KCNQ5: variants seen among roughly 807,000 people sequenced by gnomAD.
KCNQ5 encodes the protein potassium voltage-gated channel subfamily Q member 5.
Under a neutral mutation model 98.2 loss-of-function variants are expected in KCNQ5, and 30 were observed. The observed-to-expected ratio is 0.31, with a 90% CI of 0.23 to 0.41. KCNQ5 has a LOEUF of 0.41. KCNQ5 is among the 10% of genes least tolerant of loss of function. The pLI is 1.00. For synonymous variants in KCNQ5, 458 were observed against 449.4 expected (o/e 1.02, Z -0.24); for missense variants, 835 against 1,182.5 (o/e 0.71, Z 4.31).
At chr6:72,691,898 G>A (rs1042695712) in intron 1 of KCNQ5, among the ~76,000 whole-genome samples, 2 of 152,202 alleles carry the variant, frequency 1.3e-5, no homozygotes, top group Admixed American at 6.5e-5. Flanking sequence ...AATATTTTGT[G>A]TCAGTAGAAT....
intron 1 of KCNQ5, among the ~76,000 whole-genome samples, chr6:72,851,748 G>A (rs1777266883): frequency 6.6e-6 from 1 of 151,798 alleles, no homozygotes; most frequent in Non-Finnish European, 1.5e-5. Context: ...AATACTTTAA[G>A]AAATTACCTA....
intron 1 of KCNQ5, among the ~76,000 whole-genome samples, chr6:72,864,223 A>G (rs1268466696): frequency 6.6e-6 from 1 of 152,142 alleles, no homozygotes; most frequent in Admixed American, 6.6e-5. Flanking sequence ...CCATGCCTAT[A>G]TCCCATGAAC....
Position 72,907,965 on chromosome 6 carries a change from AG to A in KCNQ5, c.399-95942del, listed in dbSNP as rs1357269549. ...CTAACCACTATCATGCTGTGACATC[AG>A]TGGAGATACAGGCTTTTCTTTTCTT... On this transcript the variant is annotated intron_variant, in intron 1 of 13. Coordinates refer to ENST00000370398, the MANE Select transcript of KCNQ5 (RefSeq NM_019842.4). Among the ~76,000 whole-genome samples, 12 of 152,234 alleles carry A rather than the reference AG, an allele frequency of 7.9e-5. No homozygotes were observed. In the East Asian group the frequency reaches 2.1e-3, roughly 27 times the overall value.
chr6:72,963,737 A>C (rs1445495552), intron 1 of KCNQ5, among the ~76,000 whole-genome samples: 1 of 152,068 alleles, frequency 6.6e-6, no homozygotes, highest in African/African-American at 2.4e-5. Context: ...ATCTTGGCTC[A>C]CTGCAACCTC....
chr6:72,923,183 T>C (rs564364886), intron 1 of KCNQ5, among the ~76,000 whole-genome samples: 8 of 152,316 alleles, frequency 5.3e-5, no homozygotes, highest in African/African-American at 1.7e-4. Flanking sequence ...TGATTGTGAA[T>C]AATGCTTCAG....
chr6:73,026,565 A>G (rs75356581), intron 2 of KCNQ5, among the ~76,000 whole-genome samples: 1,647 of 152,056 alleles, frequency 0.011, 26 homozygotes, highest in East Asian at 0.027. Flanking sequence ...TTATCTTCCA[A>G]TGCTCTATCT....
chr6:73,055,621 G>T, intron 3 of KCNQ5: 1 of 1,241,190 alleles, frequency 8.1e-7, no homozygotes, highest in Non-Finnish European at 1.2e-6. Context: ...TCAAGGAGGG[G>T]AAATGGGTAC....
intron 5 of KCNQ5, among the ~76,000 whole-genome samples, chr6:73,103,579 A>G (rs1410452425): frequency 2.6e-5 from 4 of 152,184 alleles, no homozygotes; most frequent in Non-Finnish European, 5.9e-5. Context: ...GCACATGTAT[A>G]CATATATAAC....
chr6:73,055,010 A>C, intron 3 of KCNQ5: 1 of 480,684 alleles, frequency 2.1e-6, no homozygotes, highest in South Asian at 2.0e-5. Flanking sequence ...TACAAAGTCA[A>C]TGTACAAAAA....
At chr6:72,893,842 T>C (rs1056778212) in intron 1 of KCNQ5, among the ~76,000 whole-genome samples, 3 of 152,150 alleles carry the variant, frequency 2.0e-5, no homozygotes, top group Non-Finnish European at 2.9e-5. Flanking sequence ...TACTCCAAGC[T>C]CCTGCTTATT....
At chr6:72,746,698 A>G (rs1771424729) in intron 1 of KCNQ5, among the ~76,000 whole-genome samples, 1 of 152,234 alleles carries the variant, frequency 6.6e-6, no homozygotes, top group African/African-American at 2.4e-5. Context: ...AAGTACCATT[A>G]ATGTAATTTT....
rs180795214 is a variant in KCNQ5 at position 72,986,890 on chromosome 6, G to A, written c.399-17018G>A. 837 of 867,232 alleles carry A rather than the reference G, an allele frequency of 9.7e-4. 3 individuals carry two copies. The highest frequency in any genetic ancestry group is 2.2e-3 in the South Asian group (153 of 69,296). The allele number at this position is 867,232 out of a possible 1,614,324, so 53.7% of individuals were successfully genotyped here. A position where few individuals can be genotyped will look rare whatever the true frequency, so the allele number is the denominator to read the frequency against. ...GGTTCTGCGAGGCTGGGGATGCTGC[G>A]GACACTTGCTCAGTGGGGAAGAAGG... On this transcript the variant is annotated intron_variant, in intron 1 of 13. Coordinates refer to ENST00000370398, the MANE Select transcript of KCNQ5 (RefSeq NM_019842.4).
intron 1 of KCNQ5, among the ~76,000 whole-genome samples, chr6:72,657,737 T>TA (rs1766269430): frequency 6.6e-6 from 1 of 152,266 alleles, no homozygotes; most frequent in Admixed American, 6.5e-5. Flanking sequence ...ATGTTATAGT[T>TA]ACAGCTTTTA....
intron 10 of KCNQ5, among the ~76,000 whole-genome samples, chr6:73,159,993 T>TTTTG (rs72448817): frequency 0.012 from 1,583 of 136,384 alleles, 19 homozygotes; most frequent in South Asian, 0.056. Context: ...CTATGGTTTT[T>TTTTG]TTTGTTTGTT....
intron 1 of KCNQ5, among the ~76,000 whole-genome samples, chr6:72,774,263 T>C (rs1310664400): frequency 6.6e-6 from 1 of 152,152 alleles, no homozygotes; most frequent in African/African-American, 2.4e-5. Context: ...CTCTCTTCCA[T>C]GGTAGCACAA....
chr6:72,996,610 T>C (rs1441041394), intron 1 of KCNQ5, among the ~76,000 whole-genome samples: 2 of 152,198 alleles, frequency 1.3e-5, no homozygotes, highest in East Asian at 3.9e-4. Flanking sequence ...ATTAAGTGAT[T>C]GCATATACTT....
intron 1 of KCNQ5, among the ~76,000 whole-genome samples, chr6:72,748,911 C>G (rs1006547016): frequency 1.3e-5 from 2 of 152,130 alleles, no homozygotes; most frequent in African/African-American, 4.8e-5. Flanking sequence ...CACGTTCACA[C>G]ATGAATGTGT....
In KCNQ5 at chr6:73,197,631, ACACACACACACC is replaced by A. The variant is rs1765843558; in HGVS notation, c.*2219_*2230del. 1.9e-5 allele frequency: 2 copies of A among 106,204 alleles called. No homozygotes were observed. Among genetic ancestry groups the A allele is most frequent in the African/African-American group, 3.6e-5 (1 of 27,832 alleles). 6.6% of individuals were successfully genotyped at this position (106,204 alleles called of 1,614,324 possible). ...CACACACACACACACACACACACAC[ACACACACACACC>A]CCTCCACTGACCTAAAGCCAGACAC... On this transcript the variant is annotated 3_prime_UTR_variant, in exon 14 of 14. Coordinates refer to ENST00000370398, the MANE Select transcript of KCNQ5 (RefSeq NM_019842.4).
At chr6:72,785,148 A>G (rs895149215) in intron 1 of KCNQ5, among the ~76,000 whole-genome samples, 1 of 152,146 alleles carries the variant, frequency 6.6e-6, no homozygotes, top group African/African-American at 2.4e-5. Context: ...TATATCGTTG[A>G]AGACAAACAG....
Sources: allele counts gnomAD v4.1 joint callset (sites outside exome capture counted in the v4.1 genomes callset), GRCh38; gene constraint gnomAD v4.1.1; transcripts MANE v1.5; gene names NCBI Gene and HGNC (gene_info 2026-07-23, HGNC 2026-07-21).